The following TCF4 variants were observed in gnomAD, a reference collection of about 807,000 sequenced individuals.
The protein encoded by TCF4 is transcription factor 4.
In TCF4, 3 loss-of-function variants were observed where a neutral mutation model predicts 82.1. The ratio of observed to expected loss-of-function variants is 0.04; its 90% confidence interval spans 0.02 to 0.09. The LOEUF is 0.09. Among genes scored for constraint, TCF4 ranks in the 10% least tolerant of loss-of-function variants. The pLI, the probability that TCF4 is intolerant of heterozygous loss-of-function variation, is 1.00. For missense variants in TCF4, 518 were observed against 852.7 expected, an observed-to-expected ratio of 0.61 and a Z score of 4.89; for synonymous variants, 276 against 309.6, an observed-to-expected ratio of 0.89 and a Z score of 1.14.
intron 6 of TCF4, among the ~76,000 whole-genome samples, chr18:55,388,189 T>C (rs2092759539): frequency 6.6e-6 from 1 of 152,238 alleles, no homozygotes; most frequent in African/African-American, 2.4e-5. Flanking sequence ...GAGGAAAAGC[T>C]TGATCTACTC....
intron 3 of TCF4, among the ~76,000 whole-genome samples, chr18:55,498,253 T>G (rs1489185318): frequency 6.6e-6 from 1 of 152,060 alleles, no homozygotes; most frequent in Non-Finnish European, 1.5e-5. Flanking sequence ...TTTAAGGGGG[T>G]GCTCACACAC....
Position 55,228,289 on chromosome 18 carries a change from G to A in TCF4, c.1952C>T (p.Pro651Leu). ...EEEKVSSEPP[P>L]LSLAGPHPGM... ...AGGGTGTGGGCCGGCCAAGGAGAGA[G>A]GGGGAGGCTCTGAGGACACCTTCTC... Residue 651 changes from proline (P) to leucine (L), a missense_variant, in exon 19 of 20, where the codon CCT (proline) becomes CTT (leucine). Coordinates refer to ENST00000354452, the MANE Select transcript of TCF4 (RefSeq NM_001083962.2). The A allele has an allele frequency of 6.2e-7, 1 of 1,614,106 alleles. No individual in the cohort carries two copies. Among genetic ancestry groups the A allele is most frequent in the Non-Finnish European group, 8.5e-7 (1 of 1,179,992 alleles).
chr18:55,465,473 G>A (rs1337653045), intron 3 of TCF4, among the ~76,000 whole-genome samples: 1 of 151,568 alleles, frequency 6.6e-6, no homozygotes, highest in African/African-American at 2.4e-5. Flanking sequence ...TGCTTCAGCA[G>A]ATAACACAAA....
chr18:55,433,946 T>A (rs1248496694), intron 5 of TCF4, among the ~76,000 whole-genome samples: 1 of 152,128 alleles, frequency 6.6e-6, no homozygotes. Context: ...CAGTCCTTTG[T>A]AGGCTAACAC....
chr18:55,349,944 G>T (rs548996457), intron 8 of TCF4, among the ~76,000 whole-genome samples: 1 of 152,186 alleles, frequency 6.6e-6, no homozygotes, highest in East Asian at 1.9e-4. Flanking sequence ...CCTGCACTCT[G>T]GGCTGAAACC....
intron 8 of TCF4, among the ~76,000 whole-genome samples, chr18:55,333,455 A>AAAAAC (rs1196332553): frequency 2.0e-5 from 3 of 152,234 alleles, no homozygotes; most frequent in South Asian, 4.1e-4. Flanking sequence ...ACCAGAAAAA[A>AAAAAC]AAAACAAAAC....
At chr18:55,397,908 A>G (rs541560119) in intron 6 of TCF4, among the ~76,000 whole-genome samples, 12 of 152,316 alleles carry the variant, frequency 7.9e-5, no homozygotes, top group Non-Finnish European at 1.8e-4. Context: ...AAATACAAAC[A>G]ACTGTTTAAC....
At chr18:55,288,675 G>T (rs2064290080) in intron 8 of TCF4, among the ~76,000 whole-genome samples, 1 of 152,198 alleles carries the variant, frequency 6.6e-6, no homozygotes, top group Admixed American at 6.5e-5. Context: ...ATCTCAGTCA[G>T]GGCAGCACAA....
At chr18:55,602,773 T>A (rs762623835) in intron 2 of TCF4, among the ~76,000 whole-genome samples, 12 of 152,178 alleles carry the variant, frequency 7.9e-5, no homozygotes, top group Non-Finnish European at 1.8e-4. Context: ...TTTATCACCC[T>A]TTGTAGTCCA....
chr18:55,491,860 A>C (rs915394967), intron 3 of TCF4, among the ~76,000 whole-genome samples: 15 of 152,322 alleles, frequency 9.8e-5, no homozygotes, highest in Admixed American at 4.6e-4. Flanking sequence ...AGTAAAGTTA[A>C]ATAAACAGAA....
chr18:55,597,549 C>T (rs943716860), intron 2 of TCF4, among the ~76,000 whole-genome samples: 1 of 151,998 alleles, frequency 6.6e-6, no homozygotes, highest in East Asian at 1.9e-4. Context: ...TGCCTGTATC[C>T]CCAGCTACTC....
rs1012252836 is a variant in TCF4, at chr18:55,222,861, GA to G, written c.*5173del. On this transcript the variant is annotated 3_prime_UTR_variant, in exon 20 of 20. Coordinates refer to ENST00000354452, the MANE Select transcript of TCF4 (RefSeq NM_001083962.2). The stretch of plus-strand genomic sequence containing the variant: ...GACACACGTCAGTTTGTACAAGTTA[GA>G]AAAAAACATCTGGTTGTTTACATCT... The G allele has an allele frequency of 6.6e-6, 1 of 152,502 alleles. No individual in the cohort carries two copies. The highest frequency in any genetic ancestry group is 1.5e-5 in the Non-Finnish European group (1 of 67,996). The allele number at this position is 152,502 out of a possible 1,614,324, so 9.4% of individuals were successfully genotyped here. A position where few individuals can be genotyped will look rare whatever the true frequency, so the allele number is the denominator to read the frequency against.
At chr18:55,250,620 T>C (rs1031106605) in intron 15 of TCF4, among the ~76,000 whole-genome samples, 6 of 152,186 alleles carry the variant, frequency 3.9e-5, no homozygotes, top group African/African-American at 1.4e-4. Flanking sequence ...TCATCCTCAC[T>C]GGGCTGTTGT....
chr18:55,234,993 T>C (rs1331958552), intron 15 of TCF4, among the ~76,000 whole-genome samples: 1 of 152,204 alleles, frequency 6.6e-6, no homozygotes, highest in Non-Finnish European at 1.5e-5. Flanking sequence ...TCTTCTATCA[T>C]GTCCGCCAAC....
At chr18:55,531,581 T>G (rs1055513699) in intron 3 of TCF4, among the ~76,000 whole-genome samples, 1 of 152,190 alleles carries the variant, frequency 6.6e-6, no homozygotes, top group Non-Finnish European at 1.5e-5. Flanking sequence ...CTACTACTAT[T>G]TTGTAGAGGA....
In TCF4 at chr18:55,430,547, C is replaced by T. The variant is rs766968458; in HGVS notation, c.305-27029G>A. On this transcript the variant is annotated intron_variant, in intron 5 of 19. Coordinates refer to ENST00000354452, the MANE Select transcript of TCF4 (RefSeq NM_001083962.2). ...TGGGTGACCCAAGATCACGCAGCTA[C>T]TGAGCAATGACATTAAGGAATCAAA... Among the ~76,000 whole-genome samples the T allele has an allele frequency of 3.5e-4, 53 of 152,114 alleles. 2 individuals carry two copies. The highest frequency in any genetic ancestry group is 7.3e-5 in the Non-Finnish European group (5 of 68,044).
chr18:55,357,550 T>C (rs116122089), intron 6 of TCF4, among the ~76,000 whole-genome samples: 1,645 of 152,308 alleles, frequency 0.011, 32 homozygotes, highest in African/African-American at 0.038. Context: ...AGCAACACTT[T>C]TGCTATAAAT....
At chr18:55,271,691 T>TA (rs2060414063) in intron 10 of TCF4, among the ~76,000 whole-genome samples, 1 of 152,098 alleles carries the variant, frequency 6.6e-6, no homozygotes, top group Non-Finnish European at 1.5e-5. Flanking sequence ...GGCCACCTGT[T>TA]AAACTCATTT....
chr18:55,393,940 C>T (rs2093334601), intron 6 of TCF4, among the ~76,000 whole-genome samples: 1 of 152,166 alleles, frequency 6.6e-6, no homozygotes, highest in South Asian at 2.1e-4. Context: ...AATAAAACTA[C>T]ATATGCCTAT....
Sources: allele counts gnomAD v4.1 joint callset (sites outside exome capture counted in the v4.1 genomes callset), GRCh38; gene constraint gnomAD v4.1.1; transcripts MANE v1.5; gene names NCBI Gene and HGNC (gene_info 2026-07-23, HGNC 2026-07-21).